Variants in PATJ observed in about 807,000 individuals in gnomAD.
PATJ encodes PATJ crumbs cell polarity complex component.
Under a neutral mutation model 224.9 loss-of-function variants are expected in PATJ, and 190 were observed. The observed-to-expected ratio is 0.84, with a 90% CI of 0.75 to 0.95. The LOEUF (loss-of-function observed/expected upper bound fraction) is 0.95. Ranked by LOEUF, PATJ falls within the 40% of genes least tolerant of loss-of-function variation. The pLI is 0.00. For missense variants in PATJ, 2,121 were observed against 2,270.3 expected (o/e 0.93, Z 1.34); for synonymous variants, 769 against 820.3 (o/e 0.94, Z 1.07).
At chr1:61,894,248 C>G (rs1285880940) in intron 22 of PATJ, among the ~76,000 whole-genome samples, 3 of 147,854 alleles carry the variant, frequency 2.0e-5, no homozygotes, top group African/African-American at 7.6e-5. Context: ...GAGCGAAACT[C>G]TATCTCATAA....
intron 7 of PATJ, 81 bp downstream of exon 7, chr1:61,775,415 T>A: frequency 8.0e-7 from 1 of 1,243,386 alleles, no homozygotes; most frequent in Non-Finnish European, 1.1e-6. Context: ...ATAACATGAG[T>A]TACCAGGATA....
chr1:61,811,966 C>T (rs1224612660), intron 14 of PATJ, among the ~76,000 whole-genome samples: 1 of 151,208 alleles, frequency 6.6e-6, no homozygotes, highest in East Asian at 2.0e-4. Flanking sequence ...GAGGCTGGGG[C>T]AAGAGAATGG....
chr1:62,127,980 T>C lies in PATJ; in HGVS notation c.5052T>C (p.Ser1684=), dbSNP rs1364293729. Residue 1684 remains serine, a synonymous_variant, in exon 40 of 44, where the codon AGT becomes AGC. Transcript: ENST00000642238. ...PRTVEINREL[S]DALGISIAGG... The stretch of plus-strand genomic sequence containing the variant: ...TTTTCTTCCTTTTTTAGGAGCTCAG[T>C]GATGCCCTTGGAATCAGTATTGCTG... 6.2e-7 allele frequency: 1 copy of C among 1,614,108 alleles called. No individual in the cohort carries two copies. Among genetic ancestry groups the C allele is most frequent in the Admixed American group, 1.7e-5 (1 of 60,020 alleles).
In PATJ at chr1:61,748,029, C is replaced by T. The variant is rs148942394; in HGVS notation, c.-36+5474C>T. 4.9e-3 allele frequency among the ~76,000 whole-genome samples: 749 copies of T among 152,016 alleles called. 3 individuals carry two copies. Among genetic ancestry groups the T allele is most frequent in the Non-Finnish European group, 6.2e-3 (421 of 67,958 alleles). On this transcript the variant is annotated intron_variant, in intron 1 of 43. Transcript: ENST00000642238. ...CCAAGTAGCTGGGATTACAGGCGTG[C>T]GCCACCACACCCTGCTAATTTTTGC...
intron 27 of PATJ, among the ~76,000 whole-genome samples, chr1:61,943,682 A>G (rs1441137339): frequency 6.6e-6 from 1 of 152,230 alleles, no homozygotes; most frequent in Non-Finnish European, 1.5e-5. Context: ...AACAAAAGGC[A>G]GCAGAAACTT....
At position 62,086,704 on chromosome 1, in the gene PATJ, G is replaced by A. The variant is rs940315879; in HGVS notation, c.4377+2056G>A. ...TAGGAAACTCAAGAACAGCATAGGCGATAGAAACCAGGGTCTTGATGATGC... is the reference window on the plus strand; with the variant it reads ...TAGGAAACTCAAGAACAGCATAGGCAATAGAAACCAGGGTCTTGATGATGC... On this transcript the variant is annotated intron_variant, in intron 33 of 43. Coordinates refer to ENST00000642238, the MANE Select transcript of PATJ (RefSeq NM_001350145.3). This position sits in a 1 kb window ranked among gnomAD's most constrained non-coding sequence, Gnocchi z 4.0. 6.6e-6 allele frequency among the ~76,000 whole-genome samples: 1 copy of A among 152,142 alleles called. No homozygotes were observed. Among genetic ancestry groups the A allele is most frequent in the African/African-American group, 2.4e-5 (1 of 41,430 alleles).
chr1:61,850,482 G>A (rs1240102680), intron 17 of PATJ, among the ~76,000 whole-genome samples: 1 of 152,204 alleles, frequency 6.6e-6, no homozygotes, highest in Non-Finnish European at 1.5e-5. Context: ...TGCACATTCT[G>A]TACCCTCTAA....
chr1:62,038,225 A>G (rs74079644), intron 30 of PATJ, among the ~76,000 whole-genome samples, 176 bp downstream of exon 30: 4,525 of 152,300 alleles, frequency 0.03, 224 homozygotes, highest in African/African-American at 0.1. Flanking sequence ...AAGTAAATAT[A>G]TTAGAACCTA....
At position 61,861,594 on chromosome 1, in the gene PATJ, G is replaced by A; in HGVS notation, c.2366G>A (p.Ser789Asn). ...AGTTGTTATATTTTACATTCAAGCA[G>A]TAATGAAGACAAGACTGAATTTTCA... Reference protein sequence around the residue: ...EESCYILHSSSNEDKTEFSGT... With the variant: ...EESCYILHSSNNEDKTEFSGT... The change falls in exon 19 of 44, where the codon AGT (serine) becomes AAT (asparagine). Residue 789 changes from serine to asparagine, a missense_variant. Transcript: ENST00000642238. 1 of 1,491,224 alleles carries A rather than the reference G, an allele frequency of 6.7e-7. No homozygotes were observed. Among genetic ancestry groups the A allele is most frequent in the Non-Finnish European group, 9.0e-7 (1 of 1,106,790 alleles). 92.4% of individuals were successfully genotyped at this position (1,491,224 alleles called of 1,614,324 possible).
chr1:61,886,134 A>G (rs1668797126), intron 22 of PATJ, among the ~76,000 whole-genome samples: 2 of 152,086 alleles, frequency 1.3e-5, no homozygotes, highest in Non-Finnish European at 2.9e-5. Flanking sequence ...ATATGTAACT[A>G]AACTGCACAT....
intron 41 of PATJ, among the ~76,000 whole-genome samples, chr1:62,137,700 AC>A (rs1667093762): frequency 6.9e-6 from 1 of 145,194 alleles, no homozygotes; most frequent in Admixed American, 6.8e-5. Context: ...TGTGGGGGGA[AC>A]ACAGATTGAG....
chr1:61,803,198 G>T (rs1486969592), intron 12 of PATJ, among the ~76,000 whole-genome samples: 1 of 151,878 alleles, frequency 6.6e-6, no homozygotes, highest in Non-Finnish European at 1.5e-5. Flanking sequence ...TTATACTAGG[G>T]ATAACAATAC....
At chr1:61,919,787 T>G (rs563381673) in intron 26 of PATJ, among the ~76,000 whole-genome samples, 1 of 152,332 alleles carries the variant, frequency 6.6e-6, no homozygotes, top group South Asian at 2.1e-4. Flanking sequence ...GAATATTTTT[T>G]AAAATCTTTT....
Position 61,799,661 on chromosome 1 carries a change from G to A in PATJ, c.1403-1962G>A, listed in dbSNP as rs895348221. 6.6e-5 allele frequency among the ~76,000 whole-genome samples: 10 copies of A among 152,028 alleles called. 1 individual carries two copies. The highest frequency in any genetic ancestry group is 2.4e-4 in the African/African-American group (10 of 41,382). On this transcript the variant is annotated intron_variant, in intron 11 of 43. Coordinates refer to ENST00000642238, the MANE Select transcript of PATJ (RefSeq NM_001350145.3). Reference sequence around the variant, plus strand: ...TTCTAGTATACCCATCACTCAAATAGTGAACATCATACTGAATATGTAATT... The same window carrying A: ...TTCTAGTATACCCATCACTCAAATAATGAACATCATACTGAATATGTAATT...
chr1:62,066,437 G>A (rs957766263), intron 31 of PATJ, among the ~76,000 whole-genome samples: 12 of 151,224 alleles, frequency 7.9e-5, no homozygotes, highest in East Asian at 3.9e-4. Flanking sequence ...AGGTTGGAAC[G>A]CAGTGGTGTG....
chr1:62,030,479 C>A (rs1649015709), intron 29 of PATJ, among the ~76,000 whole-genome samples: 1 of 152,034 alleles, frequency 6.6e-6, no homozygotes, highest in Non-Finnish European at 1.5e-5. Context: ...CATTTCCAAG[C>A]CAACATAGTT....
At chr1:61,827,637 C>T in intron 16 of PATJ, 54 bp downstream of exon 16, 1 of 1,524,262 alleles carries the variant, frequency 6.6e-7, no homozygotes, top group East Asian at 2.3e-5. Context: ...ATCAAAGATG[C>T]CCCGAAGACT....
chr1:61,860,900 C>T (rs955953656), intron 18 of PATJ, among the ~76,000 whole-genome samples: 6 of 151,572 alleles, frequency 4.0e-5, no homozygotes, highest in African/African-American at 1.5e-4. Context: ...TAGTACCAGA[C>T]AGCCAGGGTC....
chr1:61,861,775 T>C (rs72674683), intron 19 of PATJ, 108 bp downstream of exon 19: 8,892 of 535,270 alleles, frequency 0.017, 135 homozygotes, highest in Non-Finnish European at 0.018. Flanking sequence ...ATCCTTTGGC[T>C]AAGTAGAAAT....
Sources: allele counts gnomAD v4.1 joint callset (sites outside exome capture counted in the v4.1 genomes callset), GRCh38; gene constraint gnomAD v4.1.1; non-coding constraint Gnocchi (gnomAD v3.1); transcripts MANE v1.5; gene names NCBI Gene and HGNC (gene_info 2026-07-23, HGNC 2026-07-21).